Variants in IMPG1 observed in about 807,000 individuals in gnomAD.
IMPG1 encodes the protein interphotoreceptor matrix proteoglycan of 150 kDa.
A neutral mutation model predicts 92.0 loss-of-function variants in IMPG1; 85 were observed. The observed-to-expected ratio is 0.92, with a 90% confidence interval of 0.78 to 1.11. IMPG1 has a LOEUF of 1.11. Among genes scored for constraint, IMPG1 ranks in the 50% least tolerant of loss-of-function variants. IMPG1 has a pLI of 0.00. For missense variants in IMPG1, 1,022 were observed against 956.0 expected (o/e 1.07, Z -0.91); for synonymous variants, 367 against 334.1 (o/e 1.10, Z -1.08).
intron 7 of IMPG1, among the ~76,000 whole-genome samples, chr6:76,012,150 T>C (rs1184775246): frequency 6.6e-6 from 1 of 152,162 alleles, no homozygotes; most frequent in Non-Finnish European, 1.5e-5. Flanking sequence ...TCATATGGAC[T>C]TCACAATAAA....
intron 12 of IMPG1, among the ~76,000 whole-genome samples, chr6:75,999,388 G>A (rs950828122): frequency 6.6e-6 from 1 of 152,158 alleles, no homozygotes; most frequent in Non-Finnish European, 1.5e-5. Flanking sequence ...TAATGGCCTG[G>A]TGGGTGTTTG....
chr6:76,044,363 G>A (rs1783896573), intron 1 of IMPG1, among the ~76,000 whole-genome samples: 1 of 152,122 alleles, frequency 6.6e-6, no homozygotes, highest in South Asian at 2.1e-4. Flanking sequence ...GTACTTCTAG[G>A]TCTAGGCAGT....
At chr6:75,923,546 A>G in intron 16 of IMPG1, 88 bp downstream of exon 16, 2 of 703,514 alleles carry the variant, frequency 2.8e-6, no homozygotes, top group Non-Finnish European at 5.1e-6. Flanking sequence ...GCTTATCTCT[A>G]TTTAAAATAA....
At chr6:76,063,572 G>T (rs1784246494) in intron 1 of IMPG1, among the ~76,000 whole-genome samples, 1 of 152,204 alleles carries the variant, frequency 6.6e-6, no homozygotes, top group Non-Finnish European at 1.5e-5. Context: ...CATTGCACTA[G>T]TATACCAGCA....
rs140142110 is a variant in IMPG1, at chr6:76,002,576, C to T, written c.1291+342G>A. Among the ~76,000 whole-genome samples, 5 of 152,282 alleles carry T rather than the reference C, an allele frequency of 3.3e-5. No homozygotes were observed. The East Asian group carries it at 9.7e-4, about 29-fold the overall frequency. On this transcript the variant is annotated intron_variant, in intron 12 of 16. Transcript: ENST00000369950. ...ACTTGGGCCTTAGGACCTACCTTGT[C>T]CTCATGGACTCTCAGTTTCCAAGCC...
At chr6:75,963,459 T>C (rs1289446093) in intron 12 of IMPG1, among the ~76,000 whole-genome samples, 1 of 70,240 alleles carries the variant, frequency 1.4e-5, no homozygotes, top group Admixed American at 1.8e-4. Flanking sequence ...AATTAAACTT[T>C]TTATTTTGAG....
At position 75,985,050 on chromosome 6, in the gene IMPG1, A is replaced by G. The variant is rs547694554; in HGVS notation, c.1291+17868T>C. Among the ~76,000 whole-genome samples, 18 of 152,362 alleles carry G rather than the reference A, an allele frequency of 1.2e-4. No homozygotes were observed. In the South Asian group the frequency reaches 1.7e-3, roughly 14 times the overall value. ...GGTATTTCTTTATAGTAATGCAAGA[A>G]CAGCCTAACACAATGTTGCACACAA... On this transcript the variant is annotated intron_variant, in intron 12 of 16. Coordinates refer to ENST00000369950, the MANE Select transcript of IMPG1 (RefSeq NM_001563.4).
chr6:76,025,263 T>C lies in IMPG1; in HGVS notation c.498-5A>G. On this transcript the variant is annotated splice_region_variant and splice_polypyrimidine_tract_variant and intron_variant, in intron 4 of 16. Transcript: ENST00000369950. ...TCTGCAGATATTTCATCTTTTCTAT[T>C]AGTACAATAGAAAAGAAGGAAGAGG... 1 of 1,537,750 alleles carries C rather than the reference T, an allele frequency of 6.5e-7. No individual in the cohort carries two copies. Among genetic ancestry groups the C allele is most frequent in the Non-Finnish European group, 8.9e-7 (1 of 1,117,590 alleles).
At chr6:75,968,341 T>C (rs1007065569) in intron 12 of IMPG1, among the ~76,000 whole-genome samples, 9 of 152,226 alleles carry the variant, frequency 5.9e-5, no homozygotes, top group Non-Finnish European at 1.3e-4. Context: ...AAAATACTTA[T>C]CTGCAATTCA....
chr6:75,972,207 AT>A lies in IMPG1; in HGVS notation c.1292-21114del, dbSNP rs1378047691. ...ATTATAGAATTACTCTTCCCACTAT[AT>A]ATTAGCAGTGTCCACCCATTACTGT... On this transcript the variant is annotated intron_variant, in intron 12 of 16. Coordinates refer to ENST00000369950, the MANE Select transcript of IMPG1 (RefSeq NM_001563.4). Among the ~76,000 whole-genome samples the A allele has an allele frequency of 3.3e-5, 5 of 152,114 alleles. No individual in the cohort carries two copies. In the East Asian group the frequency reaches 9.6e-4, roughly 29 times the overall value.
At chr6:76,025,173 A>T in intron 5 of IMPG1, 21 bp downstream of exon 5, 1 of 1,478,330 alleles carries the variant, frequency 6.8e-7, no homozygotes, top group Non-Finnish European at 9.4e-7. Flanking sequence ...TGAGAAGCAA[A>T]GAAATTAGAT....
At chr6:75,947,598 T>C in intron 13 of IMPG1, 65 bp from the exon 14 acceptor site, 3 of 1,054,206 alleles carry the variant, frequency 2.8e-6, no homozygotes, top group Non-Finnish European at 4.2e-6. Context: ...CTAATTCCAC[T>C]TACACTCACT....
chr6:75,977,838 T>C (rs1421735407), intron 12 of IMPG1, among the ~76,000 whole-genome samples: 3 of 152,104 alleles, frequency 2.0e-5, no homozygotes, highest in Admixed American at 2.0e-4. Context: ...ATGTGATACC[T>C]TAGCTACAAA....
At position 76,005,277 on chromosome 6, in the gene IMPG1, A is replaced by T; in HGVS notation, c.1135+10T>A. ...AGAATAAACTCAGAACTAAGCAATC[A>T]TTAACTGACCATCAGTGAACTGAAT... On this transcript the variant is annotated intron_variant, in intron 10 of 16. Coordinates refer to ENST00000369950, the MANE Select transcript of IMPG1 (RefSeq NM_001563.4). The T allele has an allele frequency of 1.9e-6, 3 of 1,613,530 alleles. No homozygotes were observed. Among genetic ancestry groups the T allele is most frequent in the Non-Finnish European group, 2.5e-6 (3 of 1,179,604 alleles).
chr6:76,003,339 C>A (rs1022283333), intron 11 of IMPG1, among the ~76,000 whole-genome samples: 1 of 151,872 alleles, frequency 6.6e-6, no homozygotes, highest in African/African-American at 2.4e-5. Flanking sequence ...TATGAACACC[C>A]CAGTGACAAC....
At chr6:76,067,133 A>G (rs1338633131) in intron 1 of IMPG1, among the ~76,000 whole-genome samples, 1 of 152,140 alleles carries the variant, frequency 6.6e-6, no homozygotes, top group Non-Finnish European at 1.5e-5. Context: ...TCAAGGAACT[A>G]GAAAAACAAA....
At chr6:75,962,708 A>G (rs1184460619) in intron 12 of IMPG1, among the ~76,000 whole-genome samples, 4 of 152,202 alleles carry the variant, frequency 2.6e-5, no homozygotes, top group South Asian at 2.1e-4. Flanking sequence ...AAAGTTTGAG[A>G]AGAATTAGTA....
At chr6:75,944,149 A>C (rs1275530528) in intron 14 of IMPG1, among the ~76,000 whole-genome samples, 1 of 152,180 alleles carries the variant, frequency 6.6e-6, no homozygotes, top group Non-Finnish European at 1.5e-5. Context: ...CTTTGGTGAA[A>C]TATCTAAACC....
chr6:75,964,639 T>G (rs1782272048), intron 12 of IMPG1, among the ~76,000 whole-genome samples: 1 of 129,850 alleles, frequency 7.7e-6, no homozygotes, highest in South Asian at 2.4e-4. Context: ...ATGGCGCCAC[T>G]GCACTCCAGT....
Sources: gnomAD v4.1 joint callset for allele counts (sites outside exome capture counted in the v4.1 genomes callset) on GRCh38, gnomAD v4.1.1 for gene constraint, MANE v1.5 for transcripts, NCBI Gene and HGNC (gene_info 2026-07-23, HGNC 2026-07-21) for gene names.